Variants in POPDC2 observed in about 807,000 individuals in gnomAD.
POPDC2 encodes the protein popeye domain cAMP effector 2.
In POPDC2, 24 loss-of-function variants were observed where a neutral mutation model predicts 30.5. The ratio of observed to expected loss-of-function variants is 0.79; its 90% CI spans 0.57 to 1.11. The LOEUF is 1.11. Ranked by LOEUF, POPDC2 falls within the 50% of genes least tolerant of loss-of-function variation. The probability of loss-of-function intolerance (pLI) is 0.00; values close to 1 mark genes in which losing one functional copy is unlikely to be tolerated. For missense variants in POPDC2, 409 were observed against 447.0 expected (o/e 0.91, Z 0.77); for synonymous variants, 185 against 183.3 (o/e 1.01, Z -0.07).
At chr3:119,649,998 C>G (rs1346873440) in intron 2 of POPDC2, among the ~76,000 whole-genome samples, 1 of 152,210 alleles carries the variant, frequency 6.6e-6, no homozygotes, top group East Asian at 1.9e-4. Context: ...ATTACTTAAT[C>G]TCTCTTGCCT....
intron 2 of POPDC2, among the ~76,000 whole-genome samples, chr3:119,654,257 C>T (rs946592425): frequency 2.0e-5 from 3 of 152,126 alleles, no homozygotes; most frequent in Admixed American, 1.3e-4. Context: ...TGTTGTGGCA[C>T]TAGGGTCTTC....
chr3:119,645,566 C>CAA (rs201320482), intron 3 of POPDC2, among the ~76,000 whole-genome samples: 28,575 of 115,270 alleles, frequency 0.25, 3,457 homozygotes, highest in Admixed American at 0.31. Flanking sequence ...CCGTCTCAAA[C>CAA]AAAAAAAAAA....
intron 1 of POPDC2, among the ~76,000 whole-genome samples, chr3:119,657,658 C>T (rs760320213): frequency 6.6e-6 from 1 of 152,152 alleles, no homozygotes; most frequent in African/African-American, 2.4e-5. Flanking sequence ...GCTCCTTAGG[C>T]GAGGATTTCG....
intron 2 of POPDC2, 66 bp from the exon 3 acceptor site, chr3:119,648,734 G>C: frequency 7.3e-7 from 1 of 1,372,316 alleles, no homozygotes; most frequent in Non-Finnish European, 1.0e-6. Flanking sequence ...TGAGCACAGA[G>C]ATCATTCAGT....
rs531765980 is a variant in POPDC2 at position 119,642,332 on chromosome 3, C to T, written c.*273G>A. On this transcript the variant is annotated 3_prime_UTR_variant, in exon 4 of 4. Coordinates refer to ENST00000493094, the MANE Select transcript of POPDC2 (RefSeq NM_001369919.2). The stretch of plus-strand genomic sequence containing the variant: ...AAGTCACTTCAGGTCCTTACTGTAG[C>T]GACAGTGTTGGCACCTTCTGTGTCC... 21 of 598,540 alleles carry T rather than the reference C, an allele frequency of 3.5e-5. No homozygotes were observed. Among genetic ancestry groups the T allele is most frequent in the African/African-American group, 2.0e-4 (11 of 54,398 alleles). 37.1% of individuals were successfully genotyped at this position (598,540 alleles called of 1,614,324 possible). A position where few individuals can be genotyped will look rare whatever the true frequency, so the allele number is the denominator to read the frequency against.
chr3:119,654,193 C>T (rs9816750), intron 2 of POPDC2, among the ~76,000 whole-genome samples: 140,868 of 152,176 alleles, frequency 0.93, 66,189 homozygotes, highest in East Asian at 1. Context: ...GCTGGAAATG[C>T]GACTAGAGAG....
Position 119,642,567 on chromosome 3 carries a change from G to C in POPDC2, c.*44-6C>G, listed in dbSNP as rs1209110634. On this transcript the variant is annotated splice_polypyrimidine_tract_variant and splice_region_variant and intron_variant, in intron 3 of 3. Transcript: ENST00000493094. Reference sequence around the variant, plus strand: ...CTGGAGAGGAATTCTAGAAGCTGTGGAAAGAAAAAGAGGGAGGATTTTAGC... The same window carrying C: ...CTGGAGAGGAATTCTAGAAGCTGTGCAAAGAAAAAGAGGGAGGATTTTAGC... 1 of 1,587,106 alleles carries C rather than the reference G, an allele frequency of 6.3e-7. No homozygotes were observed. The highest frequency in any genetic ancestry group is 1.1e-5 in the South Asian group (1 of 90,276).
chr3:119,646,957 T>C (rs923587626), intron 3 of POPDC2, among the ~76,000 whole-genome samples: 1 of 152,162 alleles, frequency 6.6e-6, no homozygotes, highest in Non-Finnish European at 1.5e-5. Context: ...AACAAAGTGA[T>C]CTGGGGTGTT....
At chr3:119,655,153 C>A (rs1050635689) in intron 1 of POPDC2, among the ~76,000 whole-genome samples, 1 of 151,878 alleles carries the variant, frequency 6.6e-6, no homozygotes, top group African/African-American at 2.4e-5. Context: ...AGAGTGAAAC[C>A]CCCATCTCTA....
At chr3:119,645,334 G>A (rs760776210) in intron 3 of POPDC2, among the ~76,000 whole-genome samples, 2 of 152,146 alleles carry the variant, frequency 1.3e-5, no homozygotes, top group Non-Finnish European at 2.9e-5. Flanking sequence ...AGCCCGAGGC[G>A]GGCGGATCAC....
At chr3:119,658,948 CT>C (rs2052909481) in intron 1 of POPDC2, among the ~76,000 whole-genome samples, 1 of 146,616 alleles carries the variant, frequency 6.8e-6, no homozygotes, top group Non-Finnish European at 1.5e-5. Flanking sequence ...GAATTGGAGC[CT>C]TCTAATTGCC....
At position 119,642,402 on chromosome 3, in the gene POPDC2, C is replaced by T. The variant is rs980049491; in HGVS notation, c.*203G>A. 8.6e-6 allele frequency: 9 copies of T among 1,051,884 alleles called. No homozygotes were observed. In the African/African-American group the frequency reaches 9.4e-5, roughly 11 times the overall value. 65.2% of individuals were successfully genotyped at this position (1,051,884 alleles called of 1,614,324 possible). On this transcript the variant is annotated 3_prime_UTR_variant, in exon 4 of 4. Coordinates refer to ENST00000493094, the MANE Select transcript of POPDC2 (RefSeq NM_001369919.2). ...GCCTTCCAGTGGGTGGGAAAAGAGG[C>T]ATGCCTATCAGTGGCCATTCTGTGA...
intron 1 of POPDC2, among the ~76,000 whole-genome samples, chr3:119,658,723 G>A (rs2052906562): frequency 6.6e-6 from 1 of 152,046 alleles, no homozygotes; most frequent in Non-Finnish European, 1.5e-5. Context: ...CTCACAAAAT[G>A]TCTCCCCTCC....
At chr3:119,658,293 G>GA (rs554016999) in intron 1 of POPDC2, among the ~76,000 whole-genome samples, 45 of 147,592 alleles carry the variant, frequency 3.0e-4, no homozygotes, top group East Asian at 9.8e-4. Context: ...TGAAAGGCAG[G>GA]AAAAAAAAAA....
rs760378393 is a variant in POPDC2 at position 119,659,982 on chromosome 3, C to A, written c.442G>T (p.Val148Leu). 2.1e-5 allele frequency: 33 copies of A among 1,608,790 alleles called. No individual in the cohort carries two copies. In the South Asian group the frequency reaches 3.6e-4, roughly 18 times the overall value. Residue 148 changes from valine (V) to leucine (L), a missense_variant, in exon 1 of 4, where the codon GTG becomes TTG. Coordinates refer to ENST00000493094, the MANE Select transcript of POPDC2 (RefSeq NM_001369919.2). ...LTLATEQTYA[V>L]EGETPINRLS... ...CGGTTGATGGGTGTCTCACCCTCCA[C>A]AGCATAGGTCTGTTCAGTGGCCAGA...
intron 1 of POPDC2, among the ~76,000 whole-genome samples, chr3:119,655,667 A>C (rs538224033): frequency 1.8e-4 from 28 of 152,308 alleles, no homozygotes; most frequent in Middle Eastern, 3.4e-3. Context: ...CTCTTATATA[A>C]TGTTCACAAC....
At position 119,648,452 on chromosome 3, in the gene POPDC2, G is replaced by A. The variant is rs557421349; in HGVS notation, c.817C>T (p.Pro273Ser). ...TCTGGTCCAGCATCTGCAGCAGTGG[G>A]ACCCAGGACATGGTAGAGGCTGGGA... ...RLPSLYHVLG[P>S]TAADAGPESE... The change falls in exon 3 of 4, where the codon CCC (proline) becomes TCC (serine). Residue 273 changes from proline (P) to serine (S), a missense_variant. By Grantham distance (74) the Pro-to-Ser change is moderately conservative. Coordinates refer to ENST00000493094, the MANE Select transcript of POPDC2 (RefSeq NM_001369919.2). 19 of 1,614,180 alleles carry A rather than the reference G, an allele frequency of 1.2e-5. No homozygotes were observed. In the South Asian group the frequency reaches 1.8e-4, roughly 15 times the overall value.
At chr3:119,645,566 CAAAAAAA>C (rs201320482) in intron 3 of POPDC2, among the ~76,000 whole-genome samples, 4 of 115,412 alleles carry the variant, frequency 3.5e-5, no homozygotes, top group African/African-American at 1.0e-4. Flanking sequence ...CCGTCTCAAA[CAAAAAAA>C]AAAAAAAAAA....
At position 119,660,227 on chromosome 3, in the gene POPDC2, A is replaced by G. The variant is rs199823321; in HGVS notation, c.197T>C (p.Leu66Pro). The G allele has an allele frequency of 5.5e-5, 89 of 1,614,124 alleles. No individual in the cohort carries two copies. Among genetic ancestry groups the G allele is most frequent in the Non-Finnish European group, 7.2e-5 (85 of 1,180,058 alleles). Residue 66 changes from leucine to proline, a missense_variant, in exon 1 of 4, where the codon CTG becomes CCG. Coordinates refer to ENST00000493094, the MANE Select transcript of POPDC2 (RefSeq NM_001369919.2). ...FLSAGYLCCV[L>P]WGWFSACGLD... ...GCCACAGGCACTGAACCAGCCCCAC[A>G]GCACGCAGCACAGGTAACCTGCACT...
Sources: gnomAD v4.1 joint callset for allele counts (sites outside exome capture counted in the v4.1 genomes callset) on GRCh38, gnomAD v4.1.1 for gene constraint, MANE v1.5 for transcripts, NCBI Gene and HGNC (gene_info 2026-07-23, HGNC 2026-07-21) for gene names.